The following KCNK4 variants were observed in gnomAD, a reference collection of about 807,000 sequenced individuals.
The protein encoded by KCNK4 is potassium two pore domain channel subfamily K member 4, also known as potassium channel subfamily K member 4.
Under a neutral mutation model 28.8 loss-of-function variants are expected in KCNK4, and 22 were observed. That is an observed-to-expected ratio of 0.76 (90% CI 0.55 to 1.09). The LOEUF (loss-of-function observed/expected upper bound fraction) is 1.09. KCNK4 is among the 50% of genes least tolerant of loss of function. KCNK4 has a pLI of 0.00. For synonymous variants in KCNK4, 263 were observed against 252.9 expected (o/e 1.04, Z -0.38); for missense variants, 483 against 546.3 (o/e 0.88, Z 1.15).
chr11:64,297,051 G>C lies in KCNK4; in HGVS notation c.313+50G>C. The C allele has an allele frequency of 4.4e-6, 7 of 1,597,508 alleles. No individual in the cohort carries two copies. In the South Asian group the frequency reaches 7.8e-5, roughly 18 times the overall value. On this transcript the variant is annotated intron_variant, in intron 3 of 6. Transcript: ENST00000422670. The stretch of plus-strand genomic sequence containing the variant: ...GGGGCGGCAAGGAGCTTCCTCATGG[G>C]GGAAGGTGCAGGGAGACGGAGGGGT...
intron 2 of KCNK4, among the ~76,000 whole-genome samples, chr11:64,295,518 GT>G (rs1234320360): frequency 6.6e-6 from 1 of 152,118 alleles, no homozygotes; most frequent in African/African-American, 2.4e-5. Context: ...CCCTTAAGTC[GT>G]GAATTTATTG....
rs1591229730 is a variant in KCNK4, at chr11:64,297,655, T to G, written c.661+2T>G. The G allele has an allele frequency of 6.2e-7, 1 of 1,608,140 alleles. No homozygotes were observed. The highest frequency in any genetic ancestry group is 2.2e-5 in the East Asian group (1 of 44,708). On this transcript the variant is annotated splice_donor_variant, in intron 5 of 6. Transcript: ENST00000422670. LOFTEE classifies it high-confidence loss of function. ...TGGGCTTTGGCGACTATGTGGCCGG[T>G]GAGGCCGCCCTTCTTGTGCTGCACT...
At position 64,297,640 on chromosome 11, in the gene KCNK4, C is replaced by T. The variant is rs560270704; in HGVS notation, c.648C>T (p.Gly216=). ...VIVTLTTVGF[G]DYVAGADPRQ... is the part of the protein sequence containing the mutation. ...TGACGCTTACCACCGTGGGCTTTGGCGACTATGTGGCCGGTGAGGCCGCCC... is the reference window on the plus strand; with the variant it reads ...TGACGCTTACCACCGTGGGCTTTGGTGACTATGTGGCCGGTGAGGCCGCCC... The change falls in exon 5 of 7, where the codon GGC becomes GGT. Residue 216 remains glycine (G), a synonymous_variant. Coordinates refer to ENST00000422670, the MANE Select transcript of KCNK4 (RefSeq NM_033310.3). The T allele has an allele frequency of 8.0e-5, 128 of 1,609,956 alleles. No homozygotes were observed. The South Asian group carries it at 1.1e-3, about 14-fold the overall frequency.
At position 64,292,930 on chromosome 11, in the gene KCNK4, T is replaced by C; in HGVS notation, c.-77-12T>C. 6.9e-7 allele frequency: 1 copy of C among 1,451,996 alleles called. No individual in the cohort carries two copies. Among genetic ancestry groups the C allele is most frequent in the Non-Finnish European group, 9.0e-7 (1 of 1,106,822 alleles). The allele number at this position is 1,451,996 out of a possible 1,614,324, so 89.9% of individuals were successfully genotyped here. Reference sequence around the variant, plus strand: ...AGCTCAGTGACCCCAGCATCCCTGGTTTTGCCCGCAGTGACGACAGCTCCC... The same window carrying C: ...AGCTCAGTGACCCCAGCATCCCTGGCTTTGCCCGCAGTGACGACAGCTCCC... On this transcript the variant is annotated splice_polypyrimidine_tract_variant and intron_variant, in intron 1 of 6. Coordinates refer to ENST00000422670, the MANE Select transcript of KCNK4 (RefSeq NM_033310.3).
rs768106638 is a variant in KCNK4, at chr11:64,299,714, C to A, written c.1170C>A (p.Gly390=). The change falls in exon 7 of 7, where the codon GGC becomes GGA. Residue 390 remains glycine, a synonymous_variant. Transcript: ENST00000422670. ...PRGPGRPRDK[G]VPV ...GCCCCGGGCGTCCCCGAGACAAAGG[C>A]GTGCCGGTGTAGGGGCAGGATCCCT... 53 of 1,557,940 alleles carry A rather than the reference C, an allele frequency of 3.4e-5. No homozygotes were observed. The highest frequency in any genetic ancestry group is 4.3e-5 in the Non-Finnish European group (50 of 1,154,672).
In KCNK4 at chr11:64,297,550, G is replaced by A. The variant is rs904741907; in HGVS notation, c.558G>A (p.Thr186=). ...TCGGCTGCCTGCTCTTTGTCCTCAC[G>A]CCCACGTTCGTGTTCTGCTATATGG... ...LLIGCLLFVL[T]PTFVFCYMED... The change falls in exon 5 of 7, where the codon ACG becomes ACA. Residue 186 remains threonine, a synonymous_variant. Coordinates refer to ENST00000422670, the MANE Select transcript of KCNK4 (RefSeq NM_033310.3). 3.1e-6 allele frequency: 5 copies of A among 1,614,128 alleles called. No homozygotes were observed. Among genetic ancestry groups the A allele is most frequent in the Non-Finnish European group, 4.2e-6 (5 of 1,180,020 alleles).
At chr11:64,293,375 T>C (rs1396449080) in intron 2 of KCNK4, among the ~76,000 whole-genome samples, 168 bp downstream of exon 2, 1 of 152,086 alleles carries the variant, frequency 6.6e-6, no homozygotes, top group African/African-American at 2.4e-5. Context: ...GTGTTTTCAA[T>C]AGGGCAACTG....
At position 64,299,484 on chromosome 11, in the gene KCNK4, C is replaced by G; in HGVS notation, c.940C>G (p.Leu314Val). The G allele has an allele frequency of 1.2e-6, 2 of 1,607,492 alleles. No individual in the cohort carries two copies. Residue 314 changes from leucine to valine, a missense_variant, in exon 7 of 7, where the codon CTG becomes GTG. Transcript: ENST00000422670. ...TCCACCGCCCTGTCCAGCGCAGCCG[C>G]TGGGCAGGCCCCGATCCCCTTCGCC... ...LPPPPCPAQP[L>V]GRPRSPSPPE...
chr11:64,297,402 G>C (rs1591229110), intron 4 of KCNK4, 65 bp from the exon 5 acceptor site: 1 of 1,589,502 alleles, frequency 6.3e-7, no homozygotes, highest in Admixed American at 1.7e-5. Context: ...GGGGGCGGGA[G>C]TGGGGAGTAT....
Position 64,299,841 on chromosome 11 carries a change from T to A in KCNK4, c.*115T>A. ...CGAGACTGAAGTCTGGGGAGGAGGCTACAGTTGCCTCTCCGCCTCCTCCCT... is the reference window on the plus strand; with the variant it reads ...CGAGACTGAAGTCTGGGGAGGAGGCAACAGTTGCCTCTCCGCCTCCTCCCT... On this transcript the variant is annotated 3_prime_UTR_variant, in exon 7 of 7. Coordinates refer to ENST00000422670, the MANE Select transcript of KCNK4 (RefSeq NM_033310.3). 6.6e-7 allele frequency: 1 copy of A among 1,526,714 alleles called. No individual in the cohort carries two copies. The highest frequency in any genetic ancestry group is 1.4e-5 in the African/African-American group (1 of 72,874). 94.6% of individuals were successfully genotyped at this position (1,526,714 alleles called of 1,614,324 possible). A position where few individuals can be genotyped will look rare whatever the true frequency, so the allele number is the denominator to read the frequency against.
chr11:64,297,921 CT>C (rs1211373215), intron 5 of KCNK4, among the ~76,000 whole-genome samples, 188 bp from the exon 6 acceptor site: 1 of 152,200 alleles, frequency 6.6e-6, no homozygotes, highest in Non-Finnish European at 1.5e-5. Flanking sequence ...TTCTTGCATG[CT>C]TTTATCTTGC....
intron 2 of KCNK4, 70 bp downstream of exon 2, chr11:64,293,277 G>A: frequency 7.3e-7 from 1 of 1,374,104 alleles, no homozygotes; most frequent in Non-Finnish European, 9.5e-7. Flanking sequence ...TGCCAGTGAG[G>A]CCCTGTGCCA....
chr11:64,299,261 C>T (rs1190216449), intron 6 of KCNK4, 85 bp from the exon 7 acceptor site: 1 of 1,261,584 alleles, frequency 7.9e-7, no homozygotes. Context: ...GGGGTTTGAT[C>T]CCTGCTGGTG....
intron 1 of KCNK4, 112 bp downstream of exon 1, chr11:64,291,678 C>A (rs1940641282): frequency 6.6e-6 from 1 of 151,826 alleles, no homozygotes; most frequent in Admixed American, 6.6e-5. Context: ...AGGGGGGTCC[C>A]AGCCCCGGCG....
In KCNK4 at chr11:64,293,222, C is replaced by T. The variant is rs989589691; in HGVS notation, c.189+15C>T. On this transcript the variant is annotated intron_variant, in intron 2 of 6. Coordinates refer to ENST00000422670, the MANE Select transcript of KCNK4 (RefSeq NM_033310.3). ...TCCTCATCAAGGTGCGTGGGTGGGC[C>T]GCAGCCCCTTCAGCTGTCACCCATC... 1.4e-6 allele frequency: 2 copies of T among 1,435,656 alleles called. No individual in the cohort carries two copies. The highest frequency in any genetic ancestry group is 1.5e-5 in the South Asian group (1 of 67,048). The allele number at this position is 1,435,656 out of a possible 1,614,324, so 88.9% of individuals were successfully genotyped here. A position where few individuals can be genotyped will look rare whatever the true frequency, so the allele number is the denominator to read the frequency against.
At chr11:64,293,286 C>T (rs937983792) in intron 2 of KCNK4, 79 bp downstream of exon 2, 13 of 1,357,886 alleles carry the variant, frequency 9.6e-6, no homozygotes, top group Non-Finnish European at 1.2e-5. Flanking sequence ...GGCCCTGTGC[C>T]AGTGCTGCTT....
In KCNK4 at chr11:64,297,271, A is replaced by C. The variant is rs771563855; in HGVS notation, c.466A>C (p.Ile156Leu). 2 of 1,611,864 alleles carry C rather than the reference A, an allele frequency of 1.2e-6. No individual in the cohort carries two copies. Among genetic ancestry groups the C allele is most frequent in the Non-Finnish European group, 1.7e-6 (2 of 1,178,750 alleles). ...CCATGGCATCGGTCACATTGAAGCC[A>C]TCTTCTTGGTGAGCTGCTCCATGCC... is the stretch of plus-strand genomic sequence containing the variant. ...LRHGIGHIEA[I>L]FLKWHVPPEL... The change falls in exon 4 of 7, where the codon ATC becomes CTC. Residue 156 changes from isoleucine to leucine, a missense_variant. Physicochemically the swap from Ile to Leu is conservative, Grantham distance 5. Transcript: ENST00000422670.
chr11:64,292,045 C>T (rs1036467520), intron 1 of KCNK4: 1 of 1,141,866 alleles, frequency 8.8e-7, no homozygotes, highest in South Asian at 1.7e-5. Context: ...TGCGTGGGCT[C>T]TGGGTGCCCT....
In KCNK4 at chr11:64,299,666, C is replaced by T. The variant is rs770811105; in HGVS notation, c.1122C>T (p.Pro374=). The change falls in exon 7 of 7, where the codon CCC becomes CCT. Residue 374 remains proline, a synonymous_variant. Coordinates refer to ENST00000422670, the MANE Select transcript of KCNK4 (RefSeq NM_033310.3). ...APRGRRRPNP[P]RKPVRPRGPG... ...GAGGTCGCCGCCGCCCAAATCCCCC[C>T]AGGAAGCCCGTGCGGCCCCGCGGCC... is the stretch of plus-strand genomic sequence containing the variant. 11 of 1,607,646 alleles carry T rather than the reference C, an allele frequency of 6.8e-6. No individual in the cohort carries two copies. The highest frequency in any genetic ancestry group is 9.3e-6 in the Non-Finnish European group (11 of 1,177,986).
Sources: gnomAD v4.1 joint callset for allele counts (sites outside exome capture counted in the v4.1 genomes callset) on GRCh38, gnomAD v4.1.1 for gene constraint, MANE v1.5 for transcripts, NCBI Gene and HGNC (gene_info 2026-07-23, HGNC 2026-07-21) for gene names.